The following PTPRS variants were observed in gnomAD, a reference collection of about 807,000 sequenced individuals.
The protein encoded by PTPRS is protein tyrosine phosphatase receptor type S.
PTPRS carries 63 observed loss-of-function variants against 215.3 expected under a neutral mutation model. That is an observed-to-expected ratio of 0.29 (90% confidence interval 0.24 to 0.36). The LOEUF (loss-of-function observed/expected upper bound fraction) is 0.36, where lower values mean the gene tolerates loss of function less well. Among genes scored for constraint, PTPRS ranks in the 10% least tolerant of loss-of-function variants. The pLI, the probability that PTPRS is intolerant of heterozygous loss-of-function variation, is 1.00. For missense variants in PTPRS, 2,258 were observed against 2,825.8 expected, an observed-to-expected ratio of 0.80 and a Z score of 4.56; for synonymous variants, 1,404 against 1,191.4, an observed-to-expected ratio of 1.18 and a Z score of -3.68.
At chr19:5,302,901 C>CAAAAAAAA (rs61244607) in intron 1 of PTPRS, among the ~76,000 whole-genome samples, 1 of 112,578 alleles carries the variant, frequency 8.9e-6, no homozygotes, top group African/African-American at 3.2e-5. Context: ...ACTAAAAATA[C>CAAAAAAAA]AAAAAAAAAA....
chr19:5,278,197 A>AG, intron 2 of PTPRS: 2 of 379,750 alleles, frequency 5.3e-6, no homozygotes, highest in Non-Finnish European at 9.9e-6. Flanking sequence ...AAAAAAAAAA[A>AG]AAGGGAGTGG....
chr19:5,328,311 T>C (rs572471499), intron 1 of PTPRS, among the ~76,000 whole-genome samples: 3 of 152,218 alleles, frequency 2.0e-5, no homozygotes, highest in African/African-American at 7.2e-5. Flanking sequence ...GGTTTCACCA[T>C]GTTGGCCAGG....
intron 2 of PTPRS, among the ~76,000 whole-genome samples, chr19:5,279,950 T>C (rs1298481483): frequency 6.6e-6 from 1 of 152,216 alleles, no homozygotes. Context: ...CCCAAAGTGC[T>C]GGGATTACAG....
At chr19:5,271,020 G>A (rs1002184375) in intron 4 of PTPRS, among the ~76,000 whole-genome samples, 1 of 152,138 alleles carries the variant, frequency 6.6e-6, no homozygotes, top group South Asian at 2.1e-4. Context: ...GTCTGAAATC[G>A]AGTACTACTA....
intron 2 of PTPRS, among the ~76,000 whole-genome samples, chr19:5,279,961 G>A (rs1291044696): frequency 6.6e-6 from 1 of 152,224 alleles, no homozygotes; most frequent in East Asian, 1.9e-4. Context: ...GGGATTACAG[G>A]CGTGAGCCAC....
At chr19:5,284,632 A>C (rs991206482) in intron 2 of PTPRS, among the ~76,000 whole-genome samples, 4 of 152,012 alleles carry the variant, frequency 2.6e-5, no homozygotes, top group Non-Finnish European at 4.4e-5. Flanking sequence ...ATCTGAATGT[A>C]TAGGGGCATT....
At chr19:5,303,454 G>C (rs945334430) in intron 1 of PTPRS, among the ~76,000 whole-genome samples, 2 of 152,168 alleles carry the variant, frequency 1.3e-5, no homozygotes, top group African/African-American at 4.8e-5. Context: ...TACAGATCAA[G>C]GCAGATAACC....
intron 9 of PTPRS, among the ~76,000 whole-genome samples, chr19:5,249,460 A>C (rs941088169): frequency 6.6e-6 from 1 of 152,264 alleles, no homozygotes; most frequent in Admixed American, 6.5e-5. Context: ...ACAGAGACTC[A>C]GAGAGGTGAC....
Position 5,244,399 on chromosome 19 carries a change from C to T in PTPRS, c.1072G>A (p.Asp358Asn). 2 of 1,614,198 alleles carry T rather than the reference C, an allele frequency of 1.2e-6. No individual in the cohort carries two copies. Among genetic ancestry groups the T allele is most frequent in the Non-Finnish European group, 1.7e-6 (2 of 1,180,040 alleles). Residue 358 changes from aspartate (D) to asparagine (N), a missense_variant, in exon 11 of 38, where the codon GAT (aspartate) becomes AAT (asparagine). Physicochemically the swap from Asp to Asn is conservative, Grantham distance 23 (BLOSUM62 1). Around this residue, in one of 6 missense-constraint regions of PTPRS, gnomAD observed 508 missense variants for 799.4 expected, o/e 0.64. Coordinates refer to ENST00000262963, the MANE Select transcript of PTPRS (RefSeq NM_002850.4). The surrounding 1 kb of genome is among the most constrained non-coding windows in gnomAD (Gnocchi z 7.2). ...TCGATGACGTAATAGGACACAGGAT[C>T]TGGGTTGCCCGAGTCCCACGTGATG... ...ITITWDSGNP[D>N]PVSYYVIEYK...
rs554641124 is a variant in PTPRS, at chr19:5,263,790, A to G, written c.569-818T>C. Among the ~76,000 whole-genome samples, 93 of 152,320 alleles carry G rather than the reference A, an allele frequency of 6.1e-4. 4 individuals are homozygous for G. The South Asian group carries it at 0.018, about 30-fold the overall frequency. ...CCCTGTGTGCACAGGCACGGGAGTG[A>G]CTGCAATGTGGGTGCACGTGTGGCC... On this transcript the variant is annotated intron_variant, in intron 5 of 37. Transcript: ENST00000262963.
intron 25 of PTPRS, among the ~76,000 whole-genome samples, chr19:5,217,292 T>C (rs2041562738): frequency 6.6e-6 from 1 of 152,212 alleles, no homozygotes; most frequent in Admixed American, 6.5e-5. Flanking sequence ...AGCGGTGAAT[T>C]GTGAGACTCT....
chr19:5,236,610 C>T (rs2043462679), intron 13 of PTPRS, among the ~76,000 whole-genome samples: 1 of 152,202 alleles, frequency 6.6e-6, no homozygotes, highest in Admixed American at 6.5e-5. Flanking sequence ...TGGACACTAT[C>T]CTGCTAGCAT....
rs373268944 is a variant in PTPRS at position 5,210,553 on chromosome 19, G to T, written c.5403C>A (p.Arg1801=). 1.2e-6 allele frequency: 2 copies of T among 1,614,074 alleles called. No homozygotes were observed. The highest frequency in any genetic ancestry group is 2.7e-5 in the African/African-American group (2 of 74,934). Residue 1801 remains arginine (R), a synonymous_variant, in exon 35 of 38, where the codon CGC becomes CGA. Transcript: ENST00000262963. This position sits in a 1 kb window ranked among gnomAD's most constrained non-coding sequence, Gnocchi z 4.5. ...TCGGATCTACCACAAAGTACTGGTAGCGGGCAGAGCGCTCGGCCGGCCAGT... is the reference window on the plus strand; with the variant it reads ...TCGGATCTACCACAAAGTACTGGTATCGGGCAGAGCGCTCGGCCGGCCAGT... ...HQYWPAERSA[R]YQYFVVDPMA... is the part of the protein sequence containing the mutation.
chr19:5,242,291 G>C (rs1180289913), intron 11 of PTPRS, among the ~76,000 whole-genome samples: 1 of 152,246 alleles, frequency 6.6e-6, no homozygotes, highest in African/African-American at 2.4e-5. Flanking sequence ...CAGCCACTGG[G>C]ATCTACCCGG....
chr19:5,262,157 C>G (rs1251602601), intron 6 of PTPRS, among the ~76,000 whole-genome samples: 1 of 152,132 alleles, frequency 6.6e-6, no homozygotes. Flanking sequence ...TGCCTGTAAT[C>G]CCTGCTACTC....
At chr19:5,326,445 AG>A (rs1296053128) in intron 1 of PTPRS, among the ~76,000 whole-genome samples, 16 of 152,354 alleles carry the variant, frequency 1.1e-4, no homozygotes, top group African/African-American at 3.8e-4. Flanking sequence ...TGTACCTTCA[AG>A]GACATACCAG....
rs901750578 is a variant in PTPRS at position 5,214,845 on chromosome 19, C to G, written c.4319-109G>C. The G allele has an allele frequency of 2.4e-5, 27 of 1,141,058 alleles. No individual in the cohort carries two copies. The African/African-American group carries it at 4.2e-4, about 18-fold the overall frequency. 70.7% of individuals were successfully genotyped at this position (1,141,058 alleles called of 1,614,324 possible). On this transcript the variant is annotated intron_variant, in intron 28 of 37. Transcript: ENST00000262963. Reference sequence around the variant, plus strand: ...CACTCTGACCGCTCCCAGATTGTCCCCAAGGTGACCATGGGACGTGTACTT... The same window carrying G: ...CACTCTGACCGCTCCCAGATTGTCCGCAAGGTGACCATGGGACGTGTACTT...
At chr19:5,310,836 G>C (rs1004074253) in intron 1 of PTPRS, among the ~76,000 whole-genome samples, 1 of 152,106 alleles carries the variant, frequency 6.6e-6, no homozygotes, top group African/African-American at 2.4e-5. Flanking sequence ...CTCCTGAGTA[G>C]CTGGGACTAT....
intron 2 of PTPRS, among the ~76,000 whole-genome samples, chr19:5,282,471 G>A (rs1336380603): frequency 2.0e-5 from 3 of 152,186 alleles, no homozygotes; most frequent in African/African-American, 7.2e-5. Flanking sequence ...CATGTGCTAA[G>A]CTTTATGCCT....
Sources: allele counts gnomAD v4.1 joint callset (sites outside exome capture counted in the v4.1 genomes callset), GRCh38; gene constraint gnomAD v4.1.1; regional missense constraint gnomAD v4.1.1; non-coding constraint Gnocchi (gnomAD v3.1); transcripts MANE v1.5; gene names NCBI Gene and HGNC (gene_info 2026-07-23, HGNC 2026-07-21).